Variants in IL1RAPL2 observed in about 807,000 individuals in gnomAD.
IL1RAPL2 encodes interleukin 1 receptor accessory protein like 2, also known as X-linked interleukin-1 receptor accessory protein-like 2.
A neutral mutation model predicts 44.1 loss-of-function variants in IL1RAPL2; 3 were observed. That is an observed-to-expected ratio of 0.07 (90% CI 0.03 to 0.18). The LOEUF is 0.18. Ranked by LOEUF, IL1RAPL2 falls within the 10% of genes least tolerant of loss-of-function variation. The pLI is 1.00. For synonymous variants in IL1RAPL2, 181 were observed against 178.8 expected (o/e 1.01, Z -0.10); for missense variants, 391 against 496.4 (o/e 0.79, Z 2.02).
At chrX:104,606,310 G>T (rs144259129) in intron 1 of IL1RAPL2, among the ~76,000 whole-genome samples, 2,056 of 111,399 alleles carry the variant, frequency 0.018, 51 homozygotes, top group African/African-American at 0.063. Flanking sequence ...GGTATCAGTG[G>T]AACATATCAC....
intron 5 of IL1RAPL2, among the ~76,000 whole-genome samples, chrX:105,354,842 T>C (rs2035189019): frequency 9.0e-6 from 1 of 111,199 alleles, no homozygotes; most frequent in African/African-American, 3.3e-5. Context: ...ATGCTACTTA[T>C]CAGCATATTA....
chrX:105,676,098 CG>C (rs2147519439), intron 6 of IL1RAPL2: 1 of 111,315 alleles, frequency 9.0e-6, no homozygotes, highest in South Asian at 3.8e-4. Flanking sequence ...CATGAATTTG[CG>C]TGACATCCTT....
At chrX:105,220,235 C>A in intron 3 of IL1RAPL2, 1 of 1,211,670 alleles carries the variant, frequency 8.3e-7, no homozygotes, top group Non-Finnish European at 1.1e-6. Flanking sequence ...TCGCTGTCCT[C>A]CAGTATGGCC....
At chrX:105,081,537 T>A (rs1485377656) in intron 2 of IL1RAPL2, among the ~76,000 whole-genome samples, 1 of 111,747 alleles carries the variant, frequency 8.9e-6, no homozygotes, top group East Asian at 2.8e-4. Context: ...ATTCAAGAAT[T>A]CTTTCTAAGG....
intron 1 of IL1RAPL2, among the ~76,000 whole-genome samples, chrX:104,571,291 T>G (rs1928144995): frequency 8.9e-6 from 1 of 112,235 alleles, no homozygotes; most frequent in Non-Finnish European, 1.9e-5. Flanking sequence ...AGTGAGTGGT[T>G]GTTAAGTCAT....
chrX:105,442,619 A>G (rs184954062), intron 5 of IL1RAPL2, among the ~76,000 whole-genome samples: 1 of 92,053 alleles, frequency 1.1e-5, no homozygotes, highest in Non-Finnish European at 1.9e-5. Context: ...TACTTCTGAC[A>G]GAGGACATGT....
chrX:104,820,029 A>T, intron 2 of IL1RAPL2, among the ~76,000 whole-genome samples: 1 of 111,596 alleles, frequency 9.0e-6, no homozygotes, highest in East Asian at 2.8e-4. Flanking sequence ...GAAATCTTAA[A>T]TATATGATCA....
chrX:105,597,935 A>T (rs2037223735), intron 6 of IL1RAPL2, among the ~76,000 whole-genome samples: 1 of 111,387 alleles, frequency 9.0e-6, no homozygotes, highest in Non-Finnish European at 1.9e-5. Flanking sequence ...CTACCATATG[A>T]CCCAACAATT....
intron 6 of IL1RAPL2, among the ~76,000 whole-genome samples, chrX:105,621,096 A>T (rs1227345919): frequency 9.0e-6 from 1 of 111,459 alleles, no homozygotes; most frequent in Non-Finnish European, 1.9e-5. Context: ...CATAACATCA[A>T]CATATAAGTA....
intron 5 of IL1RAPL2, among the ~76,000 whole-genome samples, chrX:105,385,933 T>C (rs1164497740): frequency 8.9e-6 from 1 of 111,808 alleles, no homozygotes; most frequent in Non-Finnish European, 1.9e-5. Flanking sequence ...CATTTCCTCC[T>C]TTCTTTTTCC....
At chrX:105,414,977 A>C (rs746338872) in intron 5 of IL1RAPL2, among the ~76,000 whole-genome samples, 1 of 112,089 alleles carries the variant, frequency 8.9e-6, no homozygotes, top group East Asian at 2.8e-4. Context: ...CAGATGTAAT[A>C]ATAGTAATAG....
rs375223083 is a variant in IL1RAPL2 at position 104,924,988 on chromosome X, A to G, written c.82+265993A>G. 1.4e-4 allele frequency among the ~76,000 whole-genome samples: 16 copies of G among 110,704 alleles called. No homozygotes were observed. The East Asian group carries it at 3.7e-3, about 26-fold the overall frequency. On this transcript the variant is annotated intron_variant, in intron 2 of 10. Transcript: ENST00000372582. The stretch of plus-strand genomic sequence containing the variant: ...AAGATTCAAACAAGCACAATCAGAA[A>G]TGATAAAGGTGACATTTAATGTTAA...
intron 6 of IL1RAPL2, among the ~76,000 whole-genome samples, chrX:105,609,941 A>AT (rs34763238): frequency 8.9e-6 from 1 of 111,960 alleles, no homozygotes; most frequent in Non-Finnish European, 1.9e-5. Flanking sequence ...TACTTCAGGT[A>AT]TTTTTTGCCT....
chrX:104,687,002 T>C (rs760625821), intron 2 of IL1RAPL2, among the ~76,000 whole-genome samples: 8 of 111,945 alleles, frequency 7.1e-5, no homozygotes, highest in Non-Finnish European at 1.5e-4. Context: ...AACCGTACAA[T>C]AGGTGCTACA....
chrX:105,754,674 C>G (rs1172196886), intron 9 of IL1RAPL2, among the ~76,000 whole-genome samples: 1 of 112,295 alleles, frequency 8.9e-6, no homozygotes, highest in African/African-American at 3.2e-5. Flanking sequence ...CCAACTGGAA[C>G]TATGGCATGT....
At chrX:105,763,409 A>G (rs2038703665) in intron 10 of IL1RAPL2, among the ~76,000 whole-genome samples, 3 of 111,139 alleles carry the variant, frequency 2.7e-5, no homozygotes, top group Non-Finnish European at 5.7e-5. Context: ...AGTAAAAAAT[A>G]TGAACTCTAC....
At chrX:105,582,234 G>C (rs906041346) in intron 6 of IL1RAPL2, among the ~76,000 whole-genome samples, 4 of 111,479 alleles carry the variant, frequency 3.6e-5, no homozygotes, top group Admixed American at 2.9e-4. Context: ...TAACTTTATA[G>C]TGTATCTTAA....
At chrX:104,635,186 C>T (rs1332341939) in intron 1 of IL1RAPL2, among the ~76,000 whole-genome samples, 2 of 112,027 alleles carry the variant, frequency 1.8e-5, no homozygotes, top group African/African-American at 6.5e-5. Flanking sequence ...TCTCTTCTGG[C>T]TTATAGAGTT....
At chrX:105,178,126 C>T (rs967173553) in intron 2 of IL1RAPL2, among the ~76,000 whole-genome samples, 2 of 111,511 alleles carry the variant, frequency 1.8e-5, no homozygotes, top group Admixed American at 9.5e-5. Context: ...TCTCTCACCT[C>T]GCCCCACATA....
Sources: allele counts gnomAD v4.1 joint callset (sites outside exome capture counted in the v4.1 genomes callset), GRCh38; gene constraint gnomAD v4.1.1; transcripts MANE v1.5; gene names NCBI Gene and HGNC (gene_info 2026-07-23, HGNC 2026-07-21).